The following TSGA10 variants were observed in gnomAD, a reference collection of about 807,000 sequenced individuals.
TSGA10 encodes testis-specific gene 10 protein.
A neutral mutation model predicts 96.6 loss-of-function variants in TSGA10; 43 were observed. The observed-to-expected ratio is 0.44, with a 90% CI of 0.35 to 0.57. The LOEUF (loss-of-function observed/expected upper bound fraction) is 0.57, where lower values mean the gene tolerates loss of function less well. Among genes scored for constraint, TSGA10 ranks in the 20% least tolerant of loss-of-function variants. The pLI, the probability that TSGA10 is intolerant of heterozygous loss-of-function variation, is 0.01. For missense variants in TSGA10, 703 were observed against 834.4 expected (o/e 0.84, Z 1.94); for synonymous variants, 229 against 269.9 (o/e 0.85, Z 1.48).
chr2:99,042,039 C>CCTTTTTTTTTTTTTTTTTTTT lies in TSGA10; in HGVS notation c.1405-6601_1405-6600insAAAAAAAAAAAAAAAAAAAAG, dbSNP rs1558816084. ...ACATGAATAGACAATTGCCCCCCCA[C>CCTTTTTTTTTTTTTTTTTTTT]ATTTTTTTTTTTTTTTTTTTTGAGA... On this transcript the variant is annotated intron_variant, in intron 16 of 20. Coordinates refer to ENST00000393483, the MANE Select transcript of TSGA10 (RefSeq NM_025244.4). 1.4e-5 allele frequency among the ~76,000 whole-genome samples: 2 copies of CCTTTTTTTTTTTTTTTTTTTT among 140,110 alleles called. 1 individual carries two copies. The highest frequency in any genetic ancestry group is 5.6e-5 in the African/African-American group (2 of 35,668). The allele number at this position is 140,110 out of a possible 152,430, so 91.9% of individuals were successfully genotyped here.
At chr2:99,071,664 A>T (rs75123748) in intron 14 of TSGA10, 42 bp downstream of exon 14, 25 of 1,533,744 alleles carry the variant, frequency 1.6e-5, no homozygotes, top group Admixed American at 1.5e-4. Flanking sequence ...AGAAATTCAT[A>T]TTTTTTTTTC....
intron 16 of TSGA10, among the ~76,000 whole-genome samples, chr2:99,064,508 A>G (rs1281290094): frequency 6.6e-6 from 1 of 152,218 alleles, no homozygotes; most frequent in Non-Finnish European, 1.5e-5. Context: ...TATGCAAAGG[A>G]GTTAGACACA....
At chr2:99,009,948 G>T (rs2078866616) in intron 20 of TSGA10, among the ~76,000 whole-genome samples, 1 of 152,148 alleles carries the variant, frequency 6.6e-6, no homozygotes, top group African/African-American at 2.4e-5. Context: ...TAGTGAGTAT[G>T]GGTAAAGGGC....
chr2:99,089,790 A>G (rs1429301855), intron 10 of TSGA10, among the ~76,000 whole-genome samples: 1 of 152,108 alleles, frequency 6.6e-6, no homozygotes, highest in African/African-American at 2.4e-5. Flanking sequence ...TGACATGACT[A>G]ACCCTGCCCC....
At chr2:99,034,630 T>A (rs898785032) in intron 17 of TSGA10, among the ~76,000 whole-genome samples, 34 of 152,326 alleles carry the variant, frequency 2.2e-4, no homozygotes, top group African/African-American at 8.2e-4. Context: ...CTGAATGGGA[T>A]GCCTCATTCC....
intron 16 of TSGA10, among the ~76,000 whole-genome samples, chr2:99,040,591 C>A (rs1365013117): frequency 1.3e-5 from 2 of 152,034 alleles, no homozygotes; most frequent in East Asian, 3.9e-4. Context: ...AGGAAAACTA[C>A]AAAACACTGC....
At chr2:99,127,260 T>G in intron 1 of TSGA10, 84 bp from the exon 2 acceptor site, 1 of 1,051,496 alleles carries the variant, frequency 9.5e-7, no homozygotes, top group Non-Finnish European at 1.2e-6. Context: ...TTTTGAAAAT[T>G]GATAATATTC....
chr2:99,085,422 T>C (rs995593765), intron 10 of TSGA10, among the ~76,000 whole-genome samples: 1 of 150,940 alleles, frequency 6.6e-6, no homozygotes, highest in Non-Finnish European at 1.5e-5. Flanking sequence ...CTGGGCAACA[T>C]AGGAAGACCC....
chr2:99,153,753 C>T (rs1298342153), intron 1 of TSGA10, among the ~76,000 whole-genome samples: 1 of 152,138 alleles, frequency 6.6e-6, no homozygotes, highest in Non-Finnish European at 1.5e-5. Flanking sequence ...CTCAGAGTGA[C>T]CTTGGTAAAA....
intron 15 of TSGA10, among the ~76,000 whole-genome samples, chr2:99,067,132 C>T (rs945816033): frequency 6.6e-5 from 10 of 152,188 alleles, no homozygotes; most frequent in African/African-American, 2.2e-4. Flanking sequence ...CCTACTTTTT[C>T]CCCTACACCT....
chr2:99,061,272 T>C (rs1399544377), intron 16 of TSGA10, among the ~76,000 whole-genome samples: 1 of 152,210 alleles, frequency 6.6e-6, no homozygotes, highest in Non-Finnish European at 1.5e-5. Context: ...CCAGTAAGCA[T>C]GTGAAAATCT....
At chr2:99,024,811 G>A (rs999483610) in intron 17 of TSGA10, among the ~76,000 whole-genome samples, 5 of 152,094 alleles carry the variant, frequency 3.3e-5, no homozygotes, top group Non-Finnish European at 5.9e-5. Flanking sequence ...GGTCAAGAAA[G>A]TTTCTATTTC....
intron 12 of TSGA10, 44 bp downstream of exon 12, chr2:99,078,615 T>C (rs371624494): frequency 3.2e-6 from 5 of 1,545,864 alleles, no homozygotes; most frequent in Non-Finnish European, 4.4e-6. Flanking sequence ...ACATTTAACA[T>C]TTCATTTAAA....
chr2:99,139,540 T>G (rs1170077119), intron 1 of TSGA10, among the ~76,000 whole-genome samples: 1 of 152,166 alleles, frequency 6.6e-6, no homozygotes, highest in African/African-American at 2.4e-5. Context: ...AAGTGTAGAC[T>G]TATAGACATT....
intron 12 of TSGA10, among the ~76,000 whole-genome samples, chr2:99,076,334 T>A (rs751840030): frequency 5.3e-5 from 8 of 152,196 alleles, no homozygotes; most frequent in Non-Finnish European, 1.2e-4. Context: ...TCCCTGTCAC[T>A]ACTCTCATTT....
intron 1 of TSGA10, among the ~76,000 whole-genome samples, chr2:99,148,693 T>C (rs1444963551): frequency 6.6e-6 from 1 of 152,180 alleles, no homozygotes; most frequent in Non-Finnish European, 1.5e-5. Flanking sequence ...TGGGTGAGGC[T>C]GAGCGCAGTG....
At chr2:99,078,009 TGCCTGTAA>T (rs2086939946) in intron 12 of TSGA10, among the ~76,000 whole-genome samples, 1 of 151,428 alleles carries the variant, frequency 6.6e-6, no homozygotes, top group African/African-American at 2.4e-5. Flanking sequence ...CAGCGGCTTA[TGCCTGTAA>T]TCCCAGCACT....
At chr2:99,140,333 G>A (rs1229461536) in intron 1 of TSGA10, among the ~76,000 whole-genome samples, 1 of 151,742 alleles carries the variant, frequency 6.6e-6, no homozygotes, top group Non-Finnish European at 1.5e-5. Context: ...TTCTACTTAT[G>A]TCCTTACACG....
At position 99,071,816 on chromosome 2, in the gene TSGA10, A is replaced by G. The variant is rs544197318; in HGVS notation, c.997T>C (p.Leu333=). 46 of 1,613,964 alleles carry G rather than the reference A, an allele frequency of 2.9e-5. No homozygotes were observed. The South Asian group carries it at 4.8e-4, about 17-fold the overall frequency. ...GCCAGCTCATCATTTGTCTCATCCA[A>G]TTGCCGACGCATTCTGGAAACGTCT... ...EQDVSRMRRQ[L]DETNDELAQI... is the part of the protein sequence containing the mutation. Residue 333 remains leucine, a synonymous_variant, in exon 14 of 21, where the codon TTG becomes CTG. Coordinates refer to ENST00000393483, the MANE Select transcript of TSGA10 (RefSeq NM_025244.4).
Sources: gnomAD v4.1 joint callset for allele counts (sites outside exome capture counted in the v4.1 genomes callset) on GRCh38, gnomAD v4.1.1 for gene constraint, MANE v1.5 for transcripts, NCBI Gene and HGNC (gene_info 2026-07-23, HGNC 2026-07-21) for gene names.